The following TMEM117 variants were observed in gnomAD, a reference collection of about 807,000 sequenced individuals.
TMEM117 encodes the protein transmembrane protein 117.
A neutral mutation model predicts 52.4 loss-of-function variants in TMEM117; 27 were observed. The observed-to-expected ratio is 0.51, with a 90% CI of 0.38 to 0.71. The LOEUF (loss-of-function observed/expected upper bound fraction) is 0.71, where lower values mean the gene tolerates loss of function less well. Ranked by LOEUF, TMEM117 falls within the 30% of genes least tolerant of loss-of-function variation. The pLI is 0.00. For missense variants in TMEM117, 556 were observed against 630.5 expected, an observed-to-expected ratio of 0.88 and a Z score of 1.26; for synonymous variants, 215 against 206.3, an observed-to-expected ratio of 1.04 and a Z score of -0.36.
intron 6 of TMEM117, among the ~76,000 whole-genome samples, chr12:44,310,100 C>T (rs192962788): frequency 1.3e-5 from 2 of 151,868 alleles, no homozygotes; most frequent in African/African-American, 2.4e-5. Flanking sequence ...TTTTTAAATG[C>T]TTGAAGTATG....
intron 3 of TMEM117, among the ~76,000 whole-genome samples, chr12:44,004,033 G>A (rs992201547): frequency 6.6e-6 from 1 of 152,178 alleles, no homozygotes; most frequent in Non-Finnish European, 1.5e-5. Context: ...TCAAATAATG[G>A]TGGAGTATCT....
At chr12:43,860,884 C>G (rs1943477799) in intron 2 of TMEM117, among the ~76,000 whole-genome samples, 1 of 152,152 alleles carries the variant, frequency 6.6e-6, no homozygotes, top group South Asian at 2.1e-4. Flanking sequence ...TTTAGTGACG[C>G]CCTTGAGCTC....
chr12:44,015,015 CT>C (rs1466453717), intron 3 of TMEM117, among the ~76,000 whole-genome samples: 1 of 151,788 alleles, frequency 6.6e-6, no homozygotes, highest in Non-Finnish European at 1.5e-5. Flanking sequence ...CCTGAAAAAC[CT>C]TAGCAAACTT....
At chr12:44,306,905 G>A (rs1441608314) in intron 6 of TMEM117, among the ~76,000 whole-genome samples, 1 of 152,202 alleles carries the variant, frequency 6.6e-6, no homozygotes, top group African/African-American at 2.4e-5. Flanking sequence ...AAAGCACTCT[G>A]TGGTATAGTC....
intron 2 of TMEM117, among the ~76,000 whole-genome samples, chr12:43,892,494 A>C (rs1480471983): frequency 6.6e-6 from 1 of 152,210 alleles, no homozygotes; most frequent in Non-Finnish European, 1.5e-5. Context: ...CTTTTAAATT[A>C]TGGAATGATA....
intron 2 of TMEM117, among the ~76,000 whole-genome samples, chr12:43,892,305 G>A (rs1432914378): frequency 5.9e-5 from 9 of 152,168 alleles, no homozygotes; most frequent in Admixed American, 5.9e-4. Flanking sequence ...CAACACATAG[G>A]AAATGTTGCC....
intron 5 of TMEM117, among the ~76,000 whole-genome samples, chr12:44,273,225 G>T (rs1278217508): frequency 6.6e-6 from 1 of 151,820 alleles, no homozygotes; most frequent in Non-Finnish European, 1.5e-5. Flanking sequence ...CTGTTGTGGG[G>T]TGGAGGTGGG....
At chr12:43,968,936 G>A (rs1296179053) in intron 3 of TMEM117, among the ~76,000 whole-genome samples, 14 of 152,006 alleles carry the variant, frequency 9.2e-5, no homozygotes, top group Admixed American at 4.6e-4. Flanking sequence ...TGTGACACGC[G>A]GATTTATGTG....
At chr12:44,210,706 T>C (rs181551169) in intron 4 of TMEM117, among the ~76,000 whole-genome samples, 5 of 152,192 alleles carry the variant, frequency 3.3e-5, no homozygotes, top group Admixed American at 6.6e-5. Flanking sequence ...ACAATAGTAA[T>C]ATGACTTAGG....
intron 2 of TMEM117, among the ~76,000 whole-genome samples, chr12:43,900,806 A>G (rs17093850): frequency 0.014 from 2,075 of 152,160 alleles, 34 homozygotes; most frequent in African/African-American, 0.048. Context: ...TAAGTATAGA[A>G]CATTTGGAAA....
chr12:44,285,115 C>A (rs894138232), intron 5 of TMEM117, among the ~76,000 whole-genome samples: 1 of 152,188 alleles, frequency 6.6e-6, no homozygotes, highest in Non-Finnish European at 1.5e-5. Context: ...GCACACTGTT[C>A]ACATACATTA....
At chr12:44,213,717 G>A (rs937888736) in intron 5 of TMEM117, among the ~76,000 whole-genome samples, 16 of 152,128 alleles carry the variant, frequency 1.1e-4, no homozygotes, top group Non-Finnish European at 2.2e-4. Flanking sequence ...GCTTTTCCAC[G>A]TTTGTTTGGC....
chr12:44,056,675 A>G (rs1947059590), intron 3 of TMEM117, among the ~76,000 whole-genome samples: 2 of 152,180 alleles, frequency 1.3e-5, no homozygotes, highest in South Asian at 4.2e-4. Flanking sequence ...AAAACCAGTA[A>G]TAGGCTGCCC....
intron 2 of TMEM117, among the ~76,000 whole-genome samples, chr12:43,871,788 AT>A (rs1367726837): frequency 6.6e-6 from 1 of 152,264 alleles, no homozygotes; most frequent in Non-Finnish European, 1.5e-5. Context: ...TTCAAACATT[AT>A]TGAGGAACCT....
At chr12:44,382,693 T>C (rs939995529) in intron 7 of TMEM117, among the ~76,000 whole-genome samples, 1 of 152,220 alleles carries the variant, frequency 6.6e-6, no homozygotes, top group African/African-American at 2.4e-5. Context: ...TCCTAAGAAA[T>C]AGTCTCCCAC....
Position 44,321,336 on chromosome 12 carries a change from G to C in TMEM117, c.768+21597G>C, listed in dbSNP as rs113892233. Among the ~76,000 whole-genome samples the C allele has an allele frequency of 2.8e-3, 428 of 152,224 alleles. 3 individuals carry two copies. Among genetic ancestry groups the C allele is most frequent in the Non-Finnish European group, 2.8e-3 (190 of 68,020 alleles). The stretch of plus-strand genomic sequence containing the variant: ...CTGGTAACTCTTTTAGTTGAAATGG[G>C]TATCCTCTATGCGTGCCATTGGCAT... On this transcript the variant is annotated intron_variant, in intron 6 of 7. Transcript: ENST00000266534.
intron 2 of TMEM117, among the ~76,000 whole-genome samples, chr12:43,883,311 CT>C (rs1442115929): frequency 2.0e-5 from 3 of 152,104 alleles, no homozygotes; most frequent in Non-Finnish European, 4.4e-5. Context: ...TATTTCTTGT[CT>C]TTTTCTGTTT....
chr12:44,275,491 C>T (rs1950500876), intron 5 of TMEM117, among the ~76,000 whole-genome samples: 1 of 152,078 alleles, frequency 6.6e-6, no homozygotes, highest in African/African-American at 2.4e-5. Context: ...GATATATCTG[C>T]AGTCCCATAT....
At chr12:44,143,495 G>A (rs756617611) in intron 3 of TMEM117, 30 bp from the exon 4 acceptor site, 29 of 1,557,870 alleles carry the variant, frequency 1.9e-5, no homozygotes, top group Middle Eastern at 1.7e-4. Flanking sequence ...CTCTGAGTCC[G>A]GACAATGTCT....
Sources: allele counts gnomAD v4.1 joint callset (sites outside exome capture counted in the v4.1 genomes callset), GRCh38; gene constraint gnomAD v4.1.1; transcripts MANE v1.5; gene names NCBI Gene and HGNC (gene_info 2026-07-23, HGNC 2026-07-21).